Variants in CNTN5 observed in about 807,000 individuals in gnomAD.
The protein encoded by CNTN5 is contactin 5, also known as contactin-5.
In CNTN5, 77 loss-of-function variants were observed where a neutral mutation model predicts 129.1. The ratio of observed to expected loss-of-function variants is 0.60; its 90% CI spans 0.50 to 0.72. CNTN5 has a LOEUF of 0.72. Among genes scored for constraint, CNTN5 ranks in the 30% least tolerant of loss-of-function variants. The pLI, the probability that CNTN5 is intolerant of heterozygous loss-of-function variation, is 0.00. For synonymous variants in CNTN5, 509 were observed against 465.6 expected, an observed-to-expected ratio of 1.09 and a Z score of -1.20; for missense variants, 1,478 against 1,328.8, an observed-to-expected ratio of 1.11 and a Z score of -1.75.
At chr11:99,277,899 C>T (rs182578580) in intron 1 of CNTN5, among the ~76,000 whole-genome samples, 4 of 151,690 alleles carry the variant, frequency 2.6e-5, no homozygotes, top group Admixed American at 1.3e-4. Flanking sequence ...CCCTGGATCA[C>T]GACACAACAA....
intron 2 of CNTN5, among the ~76,000 whole-genome samples, chr11:99,371,511 A>G (rs556074557): frequency 6.6e-6 from 1 of 152,224 alleles, no homozygotes; most frequent in South Asian, 2.1e-4. Context: ...GTGATCTTAC[A>G]TGACTTCAGT....
chr11:99,506,414 A>AT (rs995513535), intron 2 of CNTN5, among the ~76,000 whole-genome samples: 2 of 151,980 alleles, frequency 1.3e-5, no homozygotes, highest in Non-Finnish European at 2.9e-5. Context: ...TATCTTTTCT[A>AT]TTTTTTTAAA....
chr11:99,847,969 T>A (rs1331268930), intron 6 of CNTN5, among the ~76,000 whole-genome samples: 4 of 152,188 alleles, frequency 2.6e-5, no homozygotes, highest in Non-Finnish European at 5.9e-5. Flanking sequence ...CCCCAGCATT[T>A]TGGGCAGCCG....
At chr11:99,895,456 C>G (rs1222226792) in intron 6 of CNTN5, among the ~76,000 whole-genome samples, 1 of 152,128 alleles carries the variant, frequency 6.6e-6, no homozygotes, top group East Asian at 1.9e-4. Context: ...ATGCCTTTCT[C>G]ATGGAAAGGA....
chr11:99,161,392 T>A (rs1467688613), intron 1 of CNTN5, among the ~76,000 whole-genome samples: 2 of 151,038 alleles, frequency 1.3e-5, no homozygotes, highest in Admixed American at 1.3e-4. Context: ...ACTTCTCCAC[T>A]TTTTTTTTAA....
intron 13 of CNTN5, among the ~76,000 whole-genome samples, chr11:100,090,376 T>C (rs1237559512): frequency 2.6e-5 from 4 of 151,996 alleles, no homozygotes; most frequent in Admixed American, 6.6e-5. Flanking sequence ...GATCAATTTG[T>C]TATTTTCTTT....
chr11:99,881,037 C>T (rs1472823051), intron 6 of CNTN5, among the ~76,000 whole-genome samples: 1 of 152,114 alleles, frequency 6.6e-6, no homozygotes, highest in Non-Finnish European at 1.5e-5. Flanking sequence ...GAGTTGCAAA[C>T]TAGTTTCAAT....
At chr11:99,169,801 C>G (rs149582415) in intron 1 of CNTN5, among the ~76,000 whole-genome samples, 2 of 152,156 alleles carry the variant, frequency 1.3e-5, no homozygotes, top group East Asian at 1.9e-4. Context: ...TAATCCTCAC[C>G]TCAGAGATAA....
At chr11:100,304,062 C>A (rs1042493614) in intron 20 of CNTN5, among the ~76,000 whole-genome samples, 1 of 151,472 alleles carries the variant, frequency 6.6e-6, no homozygotes, top group African/African-American at 2.4e-5. Context: ...CAAGCACATA[C>A]CCCCATATTA....
chr11:99,784,813 T>G (rs1472943273), intron 3 of CNTN5, among the ~76,000 whole-genome samples: 1 of 149,374 alleles, frequency 6.7e-6, no homozygotes. Context: ...TTTTTTTTTT[T>G]TTTTGAGATG....
intron 13 of CNTN5, among the ~76,000 whole-genome samples, chr11:100,166,989 CAGA>C (rs1430583278): frequency 3.3e-5 from 5 of 151,682 alleles, no homozygotes; most frequent in Non-Finnish European, 7.4e-5. Flanking sequence ...AAAAATGGGG[CAGA>C]AGAAGACTTA....
chr11:100,337,120 A>G, intron 21 of CNTN5: 1 of 1,412,512 alleles, frequency 7.1e-7, no homozygotes, highest in South Asian at 1.2e-5. Context: ...TTCAACCAAC[A>G]TTGTTTACAA....
chr11:99,857,679 A>G (rs1296024070), intron 6 of CNTN5, among the ~76,000 whole-genome samples: 1 of 152,154 alleles, frequency 6.6e-6, no homozygotes, highest in Non-Finnish European at 1.5e-5. Context: ...TACATATCAT[A>G]TTCGATGTCT....
chr11:100,147,912 C>T (rs1209962236), intron 13 of CNTN5, among the ~76,000 whole-genome samples: 4 of 152,022 alleles, frequency 2.6e-5, no homozygotes, highest in Admixed American at 2.6e-4. Context: ...GGGAGTGTTT[C>T]TAAATTGTTT....
intron 3 of CNTN5, among the ~76,000 whole-genome samples, chr11:99,652,314 C>CTATCTTCAGTTGGTTA (rs1952186830): frequency 6.6e-6 from 1 of 152,022 alleles, no homozygotes; most frequent in Non-Finnish European, 1.5e-5. Context: ...GCAGGGCAAT[C>CTATCTTCAGTTGGTTA]TATCTTCAGT....
chr11:99,462,820 C>T (rs1944765701), intron 2 of CNTN5, among the ~76,000 whole-genome samples: 1 of 152,134 alleles, frequency 6.6e-6, no homozygotes, highest in South Asian at 2.1e-4. Context: ...CACGACGGCT[C>T]ATGCCTGTAA....
chr11:100,151,310 G>C (rs149663880), intron 13 of CNTN5, among the ~76,000 whole-genome samples: 12 of 152,240 alleles, frequency 7.9e-5, no homozygotes, highest in South Asian at 4.2e-4. Flanking sequence ...TACATACCAT[G>C]TTCCAGGCAT....
At chr11:99,265,970 G>A (rs1036841369) in intron 1 of CNTN5, among the ~76,000 whole-genome samples, 7 of 152,022 alleles carry the variant, frequency 4.6e-5, no homozygotes, top group African/African-American at 1.7e-4. Flanking sequence ...AACAGATTGT[G>A]ACAATATAGC....
chr11:99,375,726 C>T (rs145014327), intron 2 of CNTN5, among the ~76,000 whole-genome samples: 1,887 of 152,252 alleles, frequency 0.012, 32 homozygotes, highest in Non-Finnish European at 0.018. Context: ...GTAGTCTATA[C>T]TAGCTTCCTT....
Sources: gnomAD v4.1 joint callset for allele counts (sites outside exome capture counted in the v4.1 genomes callset) on GRCh38, gnomAD v4.1.1 for gene constraint, MANE v1.5 for transcripts, NCBI Gene and HGNC (gene_info 2026-07-23, HGNC 2026-07-21) for gene names.